Variants in SPAG1 observed in about 807,000 individuals in gnomAD.
SPAG1 encodes sperm-associated antigen 1.
SPAG1 carries 69 observed loss-of-function variants against 100.5 expected under a neutral mutation model. The observed-to-expected ratio is 0.69, with a 90% CI of 0.57 to 0.84. SPAG1 has a LOEUF of 0.84. Among genes scored for constraint, SPAG1 ranks in the 40% least tolerant of loss-of-function variants. The pLI is 0.00. For missense variants in SPAG1, 955 were observed against 1,133.1 expected, an observed-to-expected ratio of 0.84 and a Z score of 2.26; for synonymous variants, 336 against 411.6, an observed-to-expected ratio of 0.82 and a Z score of 2.22.
chr8:100,220,595 C>T (rs962887914), intron 13 of SPAG1, among the ~76,000 whole-genome samples, 164 bp downstream of exon 13: 4 of 152,160 alleles, frequency 2.6e-5, no homozygotes, highest in Non-Finnish European at 4.4e-5. Flanking sequence ...TCTCCCTTAA[C>T]TTAATTTCTG....
chr8:100,169,669 C>A (rs1214270917), intron 3 of SPAG1, among the ~76,000 whole-genome samples: 2 of 151,772 alleles, frequency 1.3e-5, no homozygotes, highest in Non-Finnish European at 2.9e-5. Context: ...ACCTAGGAGG[C>A]AGAGGTTGCA....
intron 13 of SPAG1, among the ~76,000 whole-genome samples, chr8:100,224,946 T>C (rs1257962864): frequency 6.6e-6 from 1 of 152,214 alleles, no homozygotes; most frequent in Non-Finnish European, 1.5e-5. Context: ...AAATTAAAAA[T>C]GTCTTTTTTG....
intron 10 of SPAG1, among the ~76,000 whole-genome samples, chr8:100,204,349 A>C (rs1243223788): frequency 6.6e-6 from 1 of 152,166 alleles, no homozygotes; most frequent in Admixed American, 6.5e-5. Context: ...TAACTGTTTG[A>C]GTTCTCTAAT....
At chr8:100,233,317 A>G in intron 15 of SPAG1, 94 bp from the exon 16 acceptor site, 1 of 1,357,344 alleles carries the variant, frequency 7.4e-7, no homozygotes, top group Non-Finnish European at 1.0e-6. Context: ...CAACAGACAT[A>G]TTGAGCTATT....
rs750526854 is a variant in SPAG1, at chr8:100,165,957, T to G, written c.284T>G (p.Ile95Ser). The G allele has an allele frequency of 1.2e-6, 2 of 1,613,554 alleles. No individual in the cohort carries two copies. The highest frequency in any genetic ancestry group is 1.7e-6 in the Non-Finnish European group (2 of 1,179,792). ...TTTACAGCTGAAGAATGGGAAAAAA[T>G]TGATGGTGATATAAAGGTATATAGT... ...ASFTAEEWEK[I>S]DGDIKSWVSE... is the part of the protein sequence containing the mutation. Residue 95 changes from isoleucine to serine, a missense_variant, in exon 3 of 19, where the codon ATT becomes AGT. By Grantham distance (142) the Ile-to-Ser change is moderately radical. Transcript: ENST00000388798.
chr8:100,162,115 G>T (rs563593563), intron 1 of SPAG1, among the ~76,000 whole-genome samples, 164 bp from the exon 2 acceptor site: 6 of 152,226 alleles, frequency 3.9e-5, no homozygotes, highest in African/African-American at 1.4e-4. Context: ...GATTGCTTGA[G>T]GCCAGAAGTT....
At chr8:100,234,029 C>T (rs538602678) in intron 16 of SPAG1, among the ~76,000 whole-genome samples, 4 of 152,238 alleles carry the variant, frequency 2.6e-5, no homozygotes, top group African/African-American at 9.6e-5. Flanking sequence ...CTGTAAAATG[C>T]CATTCTTCTC....
intron 1 of SPAG1, among the ~76,000 whole-genome samples, chr8:100,159,831 A>G (rs551438516): frequency 1.3e-5 from 2 of 152,308 alleles, no homozygotes; most frequent in East Asian, 3.9e-4. Context: ...GTGGTTAAGT[A>G]TGTGGGCTCT....
At chr8:100,186,973 G>A (rs1483952686) in intron 7 of SPAG1, 147 bp from the exon 8 acceptor site, 2 of 576,526 alleles carry the variant, frequency 3.5e-6, no homozygotes, top group Admixed American at 3.5e-5. Context: ...ATACTGTGGG[G>A]TTAGGACTTC....
chr8:100,220,374 A>G lies in SPAG1; in HGVS notation c.1631A>G (p.Tyr544Cys), dbSNP rs1818211043. 1 of 1,614,122 alleles carries G rather than the reference A, an allele frequency of 6.2e-7. No individual in the cohort carries two copies. Among genetic ancestry groups the G allele is most frequent in the Non-Finnish European group, 8.5e-7 (1 of 1,179,960 alleles). ...CAGTATGGGAAAGCTTATGTGGATT[A>G]TAAAACAGTGTTGCAGATAGACTGT... is the stretch of plus-strand genomic sequence containing the variant. Reference protein sequence around the residue: ...LEQYGKAYVDYKTVLQIDCGL... With the variant: ...LEQYGKAYVDCKTVLQIDCGL... The change falls in exon 13 of 19, where the codon TAT becomes TGT. Residue 544 changes from tyrosine (Y) to cysteine (C), a missense_variant. Coordinates refer to ENST00000388798, the MANE Select transcript of SPAG1 (RefSeq NM_003114.5).
rs111328579 is a variant in SPAG1, at chr8:100,170,094, T to C, written c.300+4121T>C. ...TATTACAAAATAACTTGCTTGTGTT[T>C]GAATTGGGATTGTGTTGAATTTATG... On this transcript the variant is annotated intron_variant, in intron 3 of 18. Transcript: ENST00000388798. Among the ~76,000 whole-genome samples, 737 of 152,316 alleles carry C rather than the reference T, an allele frequency of 4.8e-3. 10 individuals carry two copies. Among genetic ancestry groups the C allele is most frequent in the African/African-American group, 0.017 (719 of 41,584 alleles).
chr8:100,196,739 C>T (rs1389326691), intron 10 of SPAG1, among the ~76,000 whole-genome samples: 1 of 151,878 alleles, frequency 6.6e-6, no homozygotes, highest in African/African-American at 2.4e-5. Context: ...AATGTTATAT[C>T]GATGAACACT....
At position 100,202,052 on chromosome 8, in the gene SPAG1, G is replaced by C. The variant is rs188582167; in HGVS notation, c.1096+7784G>C. Among the ~76,000 whole-genome samples, 345 of 152,238 alleles carry C rather than the reference G, an allele frequency of 2.3e-3. 3 individuals carry two copies. The highest frequency in any genetic ancestry group is 8.0e-3 in the African/African-American group (331 of 41,562). ...GGTGTCTGGAGTAGGAGACAGCCTT[G>C]GGGACTAAGCCCTCATCCTGTGGAA... On this transcript the variant is annotated intron_variant, in intron 10 of 18. Coordinates refer to ENST00000388798, the MANE Select transcript of SPAG1 (RefSeq NM_003114.5).
intron 16 of SPAG1, among the ~76,000 whole-genome samples, chr8:100,238,031 G>GTTGTCCTACAA (rs1819086071): frequency 3.9e-5 from 6 of 152,096 alleles, no homozygotes; most frequent in Non-Finnish European, 7.4e-5. Flanking sequence ...TATTTGTAGG[G>GTTGTCCTACAA]CTGTTGTGAG....
intron 4 of SPAG1, among the ~76,000 whole-genome samples, chr8:100,180,845 A>C (rs1188354084): frequency 6.6e-6 from 1 of 152,248 alleles, no homozygotes; most frequent in Non-Finnish European, 1.5e-5. Context: ...AATTTTATTT[A>C]ACATACTTGA....
At chr8:100,166,290 G>C (rs1332679853) in intron 3 of SPAG1, among the ~76,000 whole-genome samples, 1 of 150,410 alleles carries the variant, frequency 6.6e-6, no homozygotes, top group Non-Finnish European at 1.5e-5. Flanking sequence ...ATGGAGTCTT[G>C]CTTTGTTGCC....
At position 100,240,927 on chromosome 8, in the gene SPAG1, C is replaced by G; in HGVS notation, c.2686C>G (p.Leu896Val). 1 of 1,609,844 alleles carries G rather than the reference C, an allele frequency of 6.2e-7. No individual in the cohort carries two copies. Among genetic ancestry groups the G allele is most frequent in the Non-Finnish European group, 8.5e-7 (1 of 1,179,024 alleles). ...ACTAATTAGCAAGGGCCAAAAGGAG[C>G]TAATTGAACAGCTGTTTGAGGACCT... ...LTLISKGQKE[L>V]IEQLFEDLSD... The change falls in exon 19 of 19, where the codon CTA (leucine) becomes GTA (valine). Residue 896 changes from leucine to valine, a missense_variant. Physicochemically the swap from Leu to Val is conservative, Grantham distance 32 (BLOSUM62 1). Transcript: ENST00000388798.
At chr8:100,204,588 C>G (rs1291842475) in intron 10 of SPAG1, among the ~76,000 whole-genome samples, 1 of 152,072 alleles carries the variant, frequency 6.6e-6, no homozygotes, top group African/African-American at 2.4e-5. Context: ...CACTGTGAGC[C>G]AGCTGGAAAT....
intron 8 of SPAG1, among the ~76,000 whole-genome samples, chr8:100,188,998 C>T (rs761321100): frequency 1.3e-5 from 2 of 152,156 alleles, no homozygotes; most frequent in Non-Finnish European, 2.9e-5. Flanking sequence ...CTGCCAGGCC[C>T]CGTGCCAAGC....
Sources: gnomAD v4.1 joint callset for allele counts (sites outside exome capture counted in the v4.1 genomes callset) on GRCh38, gnomAD v4.1.1 for gene constraint, MANE v1.5 for transcripts, NCBI Gene and HGNC (gene_info 2026-07-23, HGNC 2026-07-21) for gene names.